The following AFF2 variants were observed in gnomAD, a reference collection of about 807,000 sequenced individuals.
AFF2 encodes AF4/FMR2 family member 2.
AFF2 carries 14 observed loss-of-function variants against 76.9 expected under a neutral mutation model. The observed-to-expected ratio is 0.18, with a 90% confidence interval of 0.12 to 0.28. AFF2 has a LOEUF of 0.28. AFF2 is among the 10% of genes least tolerant of loss of function. The pLI, the probability that AFF2 is intolerant of heterozygous loss-of-function variation, is 1.00. For missense variants in AFF2, 868 were observed against 1,001.1 expected (o/e 0.87, Z 1.79); for synonymous variants, 398 against 366.7 (o/e 1.09, Z -0.98).
intron 3 of AFF2, among the ~76,000 whole-genome samples, chrX:148,772,582 G>T (rs2069603281): frequency 1.1e-5 from 1 of 90,857 alleles, no homozygotes; most frequent in Admixed American, 1.3e-4. Context: ...ATGATTTTCA[G>T]GTATAATATG....
intron 4 of AFF2, among the ~76,000 whole-genome samples, chrX:148,819,418 A>T (rs2070303209): frequency 9.0e-6 from 1 of 111,519 alleles, no homozygotes; most frequent in African/African-American, 3.3e-5. Context: ...AGTATGAAAG[A>T]CCACTTACTC....
intron 4 of AFF2, among the ~76,000 whole-genome samples, chrX:148,831,249 C>A (rs782618055): frequency 9.0e-6 from 1 of 111,321 alleles, no homozygotes; most frequent in Non-Finnish European, 1.9e-5. Flanking sequence ...GGTCCTGAGG[C>A]GACATTCATC....
chrX:148,899,220 C>CAT (rs2071328492), intron 8 of AFF2, among the ~76,000 whole-genome samples: 1 of 111,863 alleles, frequency 8.9e-6, no homozygotes, highest in African/African-American at 3.2e-5. Context: ...TGTCTTTTGC[C>CAT]ATTTTACTCA....
In AFF2 at chrX:148,500,637, T is replaced by TGCCGCTGCCGCCGCCGCCGCC. The variant is rs2052327071; in HGVS notation, c.-456_-455insTGCCGCCGCCGCCGCCGCCGC. 4 of 73,753 alleles carry TGCCGCTGCCGCCGCCGCCGCC rather than the reference T, an allele frequency of 5.4e-5. No homozygotes were observed. The highest frequency in any genetic ancestry group is 1.1e-4 in the Non-Finnish European group (4 of 38,085). The allele number at this position is 73,753 out of a possible 1,213,427, so 6.1% of individuals were successfully genotyped here. A position where few individuals can be genotyped will look rare whatever the true frequency, so the allele number is the denominator to read the frequency against. On this transcript the variant is annotated 5_prime_UTR_variant, in exon 1 of 21. Coordinates refer to ENST00000370460, the MANE Select transcript of AFF2 (RefSeq NM_002025.4). ...CCGCCGCCGCCGCCTGTGCAGCCGC[T>TGCCGCTGCCGCCGCCGCCGCC]GCCGCCGCCGCCGCCGCCGCCGCCG...
chrX:148,611,713 A>G (rs1376414922), intron 1 of AFF2, among the ~76,000 whole-genome samples: 3 of 110,014 alleles, frequency 2.7e-5, no homozygotes, highest in Admixed American at 9.6e-5. Flanking sequence ...TCCAGTTTCA[A>G]CTCCTCCATG....
intron 3 of AFF2, among the ~76,000 whole-genome samples, chrX:148,783,536 C>A (rs1557269246): frequency 9.0e-6 from 1 of 111,605 alleles, no homozygotes; most frequent in African/African-American, 3.3e-5. Context: ...TTCAGGGGAT[C>A]TTTCCTTGCC....
At chrX:148,795,832 AATATAT>A (rs1169188980) in intron 3 of AFF2, among the ~76,000 whole-genome samples, 431 of 15,512 alleles carry the variant, frequency 0.028, 6 homozygotes, top group African/African-American at 0.041. Flanking sequence ...AAAAAAAAAA[AATATAT>A]ATATATATAT....
intron 1 of AFF2, among the ~76,000 whole-genome samples, chrX:148,538,553 C>G (rs1557236966): frequency 8.9e-6 from 1 of 112,464 alleles, no homozygotes; most frequent in African/African-American, 3.2e-5. Flanking sequence ...CTAAATTTAC[C>G]TGAAAGTTTA....
At chrX:148,945,773 T>C (rs142924933) in intron 9 of AFF2, among the ~76,000 whole-genome samples, 2 of 112,490 alleles carry the variant, frequency 1.8e-5, no homozygotes, top group Non-Finnish European at 3.8e-5. Flanking sequence ...GAGACCCTTA[T>C]GTTAAGTGCC....
At chrX:148,905,608 C>T (rs112528019) in intron 9 of AFF2, among the ~76,000 whole-genome samples, 96 of 112,301 alleles carry the variant, frequency 8.5e-4, no homozygotes, top group Middle Eastern at 9.3e-3. Context: ...CCCTTCAGTC[C>T]GCCTGCATGC....
intron 3 of AFF2, among the ~76,000 whole-genome samples, chrX:148,777,514 C>T (rs1242340082): frequency 9.0e-6 from 1 of 111,157 alleles, no homozygotes; most frequent in Non-Finnish European, 1.9e-5. Context: ...CATTTGTGTC[C>T]TCTCTTATTT....
chrX:148,800,559 C>CT (rs1569555727), intron 3 of AFF2, among the ~76,000 whole-genome samples: 3 of 111,087 alleles, frequency 2.7e-5, no homozygotes, highest in South Asian at 7.5e-4. Flanking sequence ...AAGGTAAGTC[C>CT]TTTTTTTTCT....
intron 3 of AFF2, among the ~76,000 whole-genome samples, chrX:148,784,831 G>A (rs148803715): frequency 2.4e-3 from 266 of 111,210 alleles, no homozygotes; most frequent in African/African-American, 8.5e-3. Context: ...CAGGTGCACC[G>A]TGACTAATTA....
intron 1 of AFF2, among the ~76,000 whole-genome samples, chrX:148,599,980 A>C (rs782199687): frequency 8.9e-6 from 1 of 112,256 alleles, no homozygotes; most frequent in East Asian, 2.8e-4. Context: ...TCCTTCAATA[A>C]AACATAACAC....
chrX:148,687,944 TC>T (rs2054615163), intron 3 of AFF2, among the ~76,000 whole-genome samples: 1 of 110,550 alleles, frequency 9.0e-6, no homozygotes, highest in Non-Finnish European at 1.9e-5. Context: ...ATTTGGATGT[TC>T]CCATTGGGAC....
At chrX:148,581,128 C>CACATAT (rs2053366703) in intron 1 of AFF2, among the ~76,000 whole-genome samples, 7 of 39,157 alleles carry the variant, frequency 1.8e-4, no homozygotes, top group Admixed American at 3.7e-4. Flanking sequence ...CACACATATA[C>CACATAT]GTATACGTAT....
At chrX:148,687,388 G>T (rs1557260417) in intron 3 of AFF2, among the ~76,000 whole-genome samples, 3 of 111,643 alleles carry the variant, frequency 2.7e-5, no homozygotes. Flanking sequence ...AGGTATCCTT[G>T]TTTCTTTATT....
chrX:148,682,230 C>T (rs1241006212), intron 3 of AFF2, among the ~76,000 whole-genome samples: 1 of 111,978 alleles, frequency 8.9e-6, no homozygotes, highest in Non-Finnish European at 1.9e-5. Flanking sequence ...ACTCATTATG[C>T]ACACAAAAGC....
chrX:148,699,864 T>C (rs1193877867), intron 3 of AFF2, among the ~76,000 whole-genome samples: 2 of 112,351 alleles, frequency 1.8e-5, no homozygotes, highest in Admixed American at 1.9e-4. Context: ...AGTATAAGTA[T>C]ATCCGATCAA....
Sources: gnomAD v4.1 joint callset for allele counts (sites outside exome capture counted in the v4.1 genomes callset) on GRCh38, gnomAD v4.1.1 for gene constraint, MANE v1.5 for transcripts, NCBI Gene and HGNC (gene_info 2026-07-23, HGNC 2026-07-21) for gene names.